Variants in OR1L8 observed in about 807,000 individuals in gnomAD.
The protein encoded by OR1L8 is olfactory receptor family 1 subfamily L member 8.
For missense variants in OR1L8, 330 were observed against 377.4 expected, an observed-to-expected ratio of 0.87 and a Z score of 1.04; for synonymous variants, 148 against 147.0, an observed-to-expected ratio of 1.01 and a Z score of -0.05.
At chr9:122,556,244 C>A in the OR1L8 span, among the ~76,000 whole-genome samples, 1 of 149,694 alleles carries the variant, frequency 6.7e-6, no homozygotes, top group East Asian at 1.9e-4. Flanking sequence ...TCATTGTATG[C>A]AATATTCAGG....
At chr9:122,575,457 T>C (rs1328082323) in intron 3 of OR1L8, among the ~76,000 whole-genome samples, 1 of 152,138 alleles carries the variant, frequency 6.6e-6, no homozygotes, top group Non-Finnish European at 1.5e-5. Context: ...ATTTGTCCAT[T>C]CATTTAGGTT....
the OR1L8 span, chr9:122,553,708 T>C: frequency 1.9e-6 from 3 of 1,614,156 alleles, no homozygotes; most frequent in Non-Finnish European, 2.5e-6. Context: ...ACACTGTTGC[T>C]GACCCGCGTG....
At chr9:122,556,432 G>C in the OR1L8 span, among the ~76,000 whole-genome samples, 1 of 151,792 alleles carries the variant, frequency 6.6e-6, no homozygotes, top group Non-Finnish European at 1.5e-5. Flanking sequence ...CTGTTATATT[G>C]ATCTATTTTT....
chr9:122,549,855 G>T, the OR1L8 span, among the ~76,000 whole-genome samples: 2 of 151,916 alleles, frequency 1.3e-5, no homozygotes, highest in Non-Finnish European at 2.9e-5. Context: ...ATCTTTTTTG[G>T]TTCCATATGA....
chr9:122,553,986 A>C, the OR1L8 span: 1 of 1,613,450 alleles, frequency 6.2e-7, no homozygotes, highest in Non-Finnish European at 8.5e-7. Flanking sequence ...TGGGTCTCTT[A>C]TGGGTGTGTA....
At chr9:122,578,966 A>G (rs1829703684) in intron 1 of OR1L8, among the ~76,000 whole-genome samples, 2 of 95,684 alleles carry the variant, frequency 2.1e-5, no homozygotes, top group African/African-American at 3.7e-5. Context: ...TCTGAAAAAT[A>G]AATCTCAGAA....
chr9:122,570,784 AT>A (rs1373973379), intron 4 of OR1L8, among the ~76,000 whole-genome samples: 1 of 152,168 alleles, frequency 6.6e-6, no homozygotes, highest in East Asian at 1.9e-4. Flanking sequence ...TTGCTGATAT[AT>A]TGAGTGAATC....
chr9:122,573,714 G>A (rs1829592625), intron 3 of OR1L8, among the ~76,000 whole-genome samples: 1 of 152,126 alleles, frequency 6.6e-6, no homozygotes, highest in Non-Finnish European at 1.5e-5. Context: ...TCTCTTGACA[G>A]TGACTTTTGC....
At chr9:122,575,375 A>G (rs1026953241) in intron 3 of OR1L8, among the ~76,000 whole-genome samples, 9 of 152,084 alleles carry the variant, frequency 5.9e-5, no homozygotes, top group Non-Finnish European at 1.0e-4. Context: ...TTATAGATAC[A>G]GTTCTATCAA....
At chr9:122,562,820 A>T, downstream of OR1L8, among the ~76,000 whole-genome samples, 1 of 152,100 alleles carries the variant, frequency 6.6e-6, no homozygotes, top group East Asian at 1.9e-4. Flanking sequence ...GACTAGGTTC[A>T]TCCATGCTGC....
chr9:122,559,911 C>G, the OR1L8 span, among the ~76,000 whole-genome samples: 1 of 152,148 alleles, frequency 6.6e-6, no homozygotes, highest in Admixed American at 6.5e-5. Flanking sequence ...ATTGATCAGT[C>G]TAATATTGAC....
chr9:122,572,733 T>A (rs1484212009), intron 4 of OR1L8, 47 bp downstream of exon 4: 1 of 152,236 alleles, frequency 6.6e-6, no homozygotes, highest in Non-Finnish European at 1.5e-5. Flanking sequence ...AAAGAGAAAG[T>A]GCCAAACTGG....
intron 4 of OR1L8, among the ~76,000 whole-genome samples, chr9:122,572,570 T>G: frequency 7.5e-6 from 1 of 133,878 alleles, no homozygotes. Flanking sequence ...TTTTTTGGTT[T>G]TGGGTTTGGT....
downstream of OR1L8, among the ~76,000 whole-genome samples, chr9:122,565,552 A>G (rs1829414339): frequency 6.6e-6 from 1 of 152,198 alleles, no homozygotes; most frequent in African/African-American, 2.4e-5. Flanking sequence ...CCAGCAGCAG[A>G]GACCAACGCT....
At chr9:122,553,676 C>G in the OR1L8 span, 1 of 1,614,084 alleles carries the variant, frequency 6.2e-7, no homozygotes, top group Non-Finnish European at 8.5e-7. Flanking sequence ...GGGTGCTAAC[C>G]AACTGTCCTG....
At position 122,567,394 on chromosome 9, in the gene OR1L8, G is replaced by A; in HGVS notation, c.*154C>T. 1.8e-6 allele frequency: 1 copy of A among 551,730 alleles called. No individual in the cohort carries two copies. The highest frequency in any genetic ancestry group is 1.9e-5 in the African/African-American group (1 of 53,222). The allele number at this position is 551,730 out of a possible 1,614,324, so 34.2% of individuals were successfully genotyped here. A position where few individuals can be genotyped will look rare whatever the true frequency, so the allele number is the denominator to read the frequency against. On this transcript the variant is annotated 3_prime_UTR_variant, in exon 5 of 5. Transcript: ENST00000641027. ...TAAGAGATACAGGCCGAATTGTTGG[G>A]TCATCATCAATGGATGTAAGTGCCC...
downstream of OR1L8, among the ~76,000 whole-genome samples, chr9:122,564,189 T>TG (rs1304789587): frequency 2.6e-5 from 4 of 152,286 alleles, no homozygotes; most frequent in Non-Finnish European, 5.9e-5. Flanking sequence ...TAGGCAATTA[T>TG]GGGGGTCATG....
At chr9:122,572,042 C>T (rs960581603) in intron 4 of OR1L8, among the ~76,000 whole-genome samples, 1 of 152,118 alleles carries the variant, frequency 6.6e-6, no homozygotes, top group African/African-American at 2.4e-5. Flanking sequence ...AAGGCAAAGC[C>T]GGAGCAGGCA....
chr9:122,564,893 G>T (rs533697916), downstream of OR1L8, among the ~76,000 whole-genome samples: 1 of 152,218 alleles, frequency 6.6e-6, no homozygotes, highest in East Asian at 1.9e-4. Flanking sequence ...CAGAATTCTC[G>T]ACCACTTGTC....
Sources: allele counts gnomAD v4.1 joint callset (sites outside exome capture counted in the v4.1 genomes callset), GRCh38; gene constraint gnomAD v4.1.1; transcripts MANE v1.5; gene names NCBI Gene and HGNC (gene_info 2026-07-23, HGNC 2026-07-21).